The following SRGAP2B variants were observed in gnomAD, a reference collection of about 807,000 sequenced individuals.
The protein encoded by SRGAP2B is SLIT-ROBO Rho GTPase-activating protein 2B.
A neutral mutation model predicts 22.2 loss-of-function variants in SRGAP2B; 9 were observed. The ratio of observed to expected loss-of-function variants is 0.41; its 90% CI spans 0.24 to 0.71. SRGAP2B has a LOEUF of 0.71. Among genes scored for constraint, SRGAP2B ranks in the 30% least tolerant of loss-of-function variants. The probability of loss-of-function intolerance (pLI) is 0.35; values close to 1 mark genes in which losing one functional copy is unlikely to be tolerated. For missense variants in SRGAP2B, 114 were observed against 235.8 expected, an observed-to-expected ratio of 0.48 and a Z score of 3.38; for synonymous variants, 36 against 87.4, an observed-to-expected ratio of 0.41 and a Z score of 3.28.
intron 2 of SRGAP2B, among the ~76,000 whole-genome samples, chr1:145,083,133 G>T (rs1367836131): frequency 1.4e-5 from 2 of 145,524 alleles, no homozygotes; most frequent in Middle Eastern, 3.2e-3. Context: ...GAAGGCAAGG[G>T]GAGATGCTGA....
At chr1:145,061,575 ATG>A (rs1455958236) in intron 2 of SRGAP2B, among the ~76,000 whole-genome samples, 1 of 149,648 alleles carries the variant, frequency 6.7e-6, no homozygotes, top group Non-Finnish European at 1.5e-5. Flanking sequence ...ATTTGTGAAT[ATG>A]TGTACATTCA....
intron 2 of SRGAP2B, among the ~76,000 whole-genome samples, chr1:145,089,170 C>A (rs1180667029): frequency 6.6e-6 from 1 of 150,738 alleles, no homozygotes; most frequent in Non-Finnish European, 1.5e-5. Flanking sequence ...AACCAATCCC[C>A]TGAGGATACT....
chr1:145,001,815 G>T lies in SRGAP2B; in HGVS notation c.68-6615C>A. ...GTGGGCCGATTACTAGAGCTCAGGA[G>T]TTCCAGATGAGCCTGGGCAACATGG... is the stretch of plus-strand genomic sequence containing the variant. On this transcript the variant is annotated intron_variant, in intron 2 of 9. Coordinates refer to ENST00000612199, the Ensembl canonical transcript of SRGAP2B. 1.3e-5 allele frequency among the ~76,000 whole-genome samples: 2 copies of T among 150,810 alleles called. 1 individual carries two copies. Among genetic ancestry groups the T allele is most frequent in the Non-Finnish European group, 2.9e-5 (2 of 67,988 alleles).
chr1:145,045,305 AAAAAAAAAGAAAG>A (rs1649673189), intron 2 of SRGAP2B, among the ~76,000 whole-genome samples: 1 of 143,406 alleles, frequency 7.0e-6, no homozygotes. Context: ...TCAAAAAAAA[AAAAAAAAAGAAAG>A]AAAGAAAAGA....
At chr1:144,986,311 CA>C (rs1369541014) in intron 3 of SRGAP2B, among the ~76,000 whole-genome samples, 1 of 114,064 alleles carries the variant, frequency 8.8e-6, no homozygotes, top group African/African-American at 3.8e-5. Context: ...CCTGGCAGTA[CA>C]GGAAGACAAA....
At chr1:145,012,889 A>C (rs1672160320) in intron 2 of SRGAP2B, among the ~76,000 whole-genome samples, 1 of 147,718 alleles carries the variant, frequency 6.8e-6, no homozygotes, top group Non-Finnish European at 1.5e-5. Flanking sequence ...GTTCAAGACC[A>C]GCCTGGCCAA....
chr1:144,997,505 T>G (rs1344640844), intron 2 of SRGAP2B, among the ~76,000 whole-genome samples: 1 of 149,706 alleles, frequency 6.7e-6, no homozygotes, highest in African/African-American at 2.5e-5. Flanking sequence ...CAGTAACAGA[T>G]GTACAGGGGA....
chr1:144,999,105 C>T (rs1553619109), intron 2 of SRGAP2B, among the ~76,000 whole-genome samples: 1 of 150,888 alleles, frequency 6.6e-6, no homozygotes, highest in Non-Finnish European at 1.5e-5. Flanking sequence ...CACTCAAAGA[C>T]TCACACCACT....
chr1:145,011,575 T>A (rs1300050017), intron 2 of SRGAP2B, among the ~76,000 whole-genome samples: 2 of 149,778 alleles, frequency 1.3e-5, no homozygotes, highest in African/African-American at 5.1e-5. Flanking sequence ...CCAGTAACGG[T>A]ACCACCATTC....
At chr1:145,022,431 CCTGAATTTA>C (rs1553624301) in intron 2 of SRGAP2B, among the ~76,000 whole-genome samples, 1 of 118,492 alleles carries the variant, frequency 8.4e-6, no homozygotes, top group African/African-American at 3.7e-5. Flanking sequence ...CTCTCGGCAA[CCTGAATTTA>C]CTGAAGCCAC....
rs1174608220 is a variant in SRGAP2B, at chr1:144,911,909, G to A, written c.486+2783C>T. 1.5e-5 allele frequency among the ~76,000 whole-genome samples: 2 copies of A among 130,004 alleles called. 1 individual carries two copies. Among genetic ancestry groups the A allele is most frequent in the African/African-American group, 6.2e-5 (2 of 32,156 alleles). 85.3% of individuals were successfully genotyped at this position (130,004 alleles called of 152,430 possible). On this transcript the variant is annotated intron_variant, in intron 5 of 9. Transcript: ENST00000612199. The stretch of plus-strand genomic sequence containing the variant: ...GCTGGGATTACGGGCATGAGCCACT[G>A]TGACCGGCTATTCTCTGAACTTTCT...
At chr1:145,041,075 G>GTATATATATATA (rs370443273) in intron 2 of SRGAP2B, among the ~76,000 whole-genome samples, 5 of 76,464 alleles carry the variant, frequency 6.5e-5, no homozygotes, top group African/African-American at 1.7e-4. Context: ...TATATATATA[G>GTATATATATATA]TATATATATA....
chr1:144,953,138 A>T (rs1366525118), intron 4 of SRGAP2B, among the ~76,000 whole-genome samples: 1 of 146,310 alleles, frequency 6.8e-6, no homozygotes, highest in African/African-American at 2.5e-5. Flanking sequence ...AATTCCTATG[A>T]TCTGCAACTA....
At chr1:145,075,700 CAAT>C (rs1652429292) in intron 2 of SRGAP2B, among the ~76,000 whole-genome samples, 1 of 136,480 alleles carries the variant, frequency 7.3e-6, no homozygotes, top group African/African-American at 2.9e-5. Context: ...TAATCGTCAA[CAAT>C]GAGTAAACAG....
At chr1:144,998,378 G>A (rs1254669147) in intron 2 of SRGAP2B, among the ~76,000 whole-genome samples, 3 of 112,700 alleles carry the variant, frequency 2.7e-5, no homozygotes, top group Admixed American at 9.6e-5. Context: ...TTCTTGTCCT[G>A]TGAGTACACC....
intron 2 of SRGAP2B, among the ~76,000 whole-genome samples, chr1:145,090,535 G>A (rs1313666172): frequency 1.3e-5 from 2 of 148,260 alleles, no homozygotes; most frequent in Non-Finnish European, 3.0e-5. Context: ...CACTTGGGAT[G>A]GACTGGAACA....
chr1:144,944,562 G>C (rs1202921454), intron 4 of SRGAP2B, among the ~76,000 whole-genome samples: 1 of 130,470 alleles, frequency 7.7e-6, no homozygotes, highest in Non-Finnish European at 1.6e-5. Flanking sequence ...ACTCCAACCT[G>C]GGTGACAAAG....
intron 4 of SRGAP2B, among the ~76,000 whole-genome samples, chr1:144,953,537 T>C (rs1553609773): frequency 3.3e-5 from 5 of 151,926 alleles, no homozygotes. Flanking sequence ...CTTAAGGAAG[T>C]CAACCCTGAG....
At chr1:144,981,121 A>G (rs1340448365) in intron 3 of SRGAP2B, among the ~76,000 whole-genome samples, 3 of 150,164 alleles carry the variant, frequency 2.0e-5, no homozygotes, top group African/African-American at 7.5e-5. Flanking sequence ...CCCACTTAAC[A>G]CAGTCAGCTC....
Sources: gnomAD v4.1 joint callset for allele counts (sites outside exome capture counted in the v4.1 genomes callset) on GRCh38, gnomAD v4.1.1 for gene constraint, MANE v1.5 for transcripts, NCBI Gene and HGNC (gene_info 2026-07-23, HGNC 2026-07-21) for gene names.